TLK1: variants seen among roughly 807,000 people sequenced by gnomAD.
The protein encoded by TLK1 is serine/threonine-protein kinase tousled-like 1.
Under a neutral mutation model 105.3 loss-of-function variants are expected in TLK1, and 24 were observed. The observed-to-expected ratio is 0.23, with a 90% CI of 0.17 to 0.32. TLK1 has a LOEUF of 0.32. Ranked by LOEUF, TLK1 falls within the 10% of genes least tolerant of loss-of-function variation. The pLI is 1.00. For missense variants in TLK1, 558 were observed against 910.5 expected (o/e 0.61, Z 4.98); for synonymous variants, 321 against 310.4 (o/e 1.03, Z -0.36).
chr2:171,189,200 T>A (rs373844634), intron 1 of TLK1, among the ~76,000 whole-genome samples: 1 of 149,876 alleles, frequency 6.7e-6, no homozygotes, highest in African/African-American at 2.5e-5. Context: ...GGAGTCTTGC[T>A]CTGTCGCCCA....
At chr2:171,136,825 C>T (rs953677658) in intron 1 of TLK1, among the ~76,000 whole-genome samples, 7 of 152,112 alleles carry the variant, frequency 4.6e-5, no homozygotes, top group Admixed American at 4.6e-4. Context: ...TATACAAGGA[C>T]GGGCAGCAGT....
rs1219658298 is a variant in TLK1, at chr2:171,079,525, G to A, written c.330+3256C>T. On this transcript the variant is annotated intron_variant, in intron 3 of 20. Coordinates refer to ENST00000431350, the MANE Select transcript of TLK1 (RefSeq NM_012290.5). The stretch of plus-strand genomic sequence containing the variant: ...AAAAGTTAATAGATATGCAATAAAT[G>A]TTTACTGAAAATATCCTGAATTTTT... Among the ~76,000 whole-genome samples the A allele has an allele frequency of 5.3e-5, 8 of 152,290 alleles. No homozygotes were observed. In the South Asian group the frequency reaches 1.7e-3, roughly 32 times the overall value.
intron 12 of TLK1, among the ~76,000 whole-genome samples, chr2:171,022,624 G>T (rs2676141): frequency 0.04 from 6,036 of 152,230 alleles, 415 homozygotes; most frequent in African/African-American, 0.14. Context: ...AGAATTCCTA[G>T]AAGATTTCTT....
intron 11 of TLK1, among the ~76,000 whole-genome samples, chr2:171,033,591 G>A (rs778252637): frequency 6.6e-6 from 1 of 151,480 alleles, no homozygotes; most frequent in Non-Finnish European, 1.5e-5. Context: ...ACAAAGAAAT[G>A]ATAAATGCTT....
intron 2 of TLK1, among the ~76,000 whole-genome samples, chr2:171,089,715 G>A (rs1689142818): frequency 6.6e-6 from 1 of 152,028 alleles, no homozygotes; most frequent in Non-Finnish European, 1.5e-5. Context: ...TGTCACTCAG[G>A]CTGGAGTGCA....
At chr2:171,114,884 G>A (rs895780778) in intron 2 of TLK1, among the ~76,000 whole-genome samples, 3 of 151,852 alleles carry the variant, frequency 2.0e-5, no homozygotes, top group Non-Finnish European at 4.4e-5. Flanking sequence ...CAAGGAAACT[G>A]ATCCTCCCCT....
intron 2 of TLK1, among the ~76,000 whole-genome samples, chr2:171,109,227 TTCAGGGACTGATG>T (rs1399896326): frequency 2.6e-5 from 4 of 152,228 alleles, no homozygotes; most frequent in South Asian, 2.1e-4. Flanking sequence ...ATAAGGCACA[TTCAGGGACTGATG>T]TCAGGGACTG....
At chr2:171,096,382 T>C (rs1381718973) in intron 2 of TLK1, among the ~76,000 whole-genome samples, 2 of 152,030 alleles carry the variant, frequency 1.3e-5, no homozygotes, top group African/African-American at 4.8e-5. Context: ...AAAAAATCAG[T>C]TGCATTTCTA....
rs71401413 is a variant in TLK1 at position 171,227,568 on chromosome 2, CTTTTTTTTTTTTTTTT to C, written c.-6+3561_-6+3576del. Among the ~76,000 whole-genome samples, 6 of 55,516 alleles carry C rather than the reference CTTTTTTTTTTTTTTTT, an allele frequency of 1.1e-4. 1 individual carries two copies. Among genetic ancestry groups the C allele is most frequent in the East Asian group, 4.4e-4 (1 of 2,264 alleles). 36.4% of individuals were successfully genotyped at this position (55,516 alleles called of 152,430 possible). ...AGTTAGTCATGAGTTAGTAAATCTC[CTTTTTTTTTTTTTTTT>C]TTTTTTTTTTTTTTGTTTAAGCCAG... is the stretch of plus-strand genomic sequence containing the variant. On this transcript the variant is annotated intron_variant, in intron 1 of 20. Coordinates refer to the TLK1 transcript ENST00000521943.
At chr2:171,218,385 G>A (rs1165067669) in intron 1 of TLK1, among the ~76,000 whole-genome samples, 4 of 152,152 alleles carry the variant, frequency 2.6e-5, no homozygotes, top group Admixed American at 6.5e-5. Context: ...ATAGAATGTC[G>A]TTTAATGGGT....
intron 2 of TLK1, among the ~76,000 whole-genome samples, chr2:171,095,292 T>C (rs545380623): frequency 2.0e-5 from 3 of 146,906 alleles, no homozygotes; most frequent in Admixed American, 6.8e-5. Context: ...ACAAATGAAA[T>C]AGAGAATAGA....
In TLK1 at chr2:171,182,935, A is replaced by AAAAGAAAG. The variant is rs750018547; in HGVS notation, c.-6+48202_-6+48209dup. 2.8e-3 allele frequency among the ~76,000 whole-genome samples: 357 copies of AAAAGAAAG among 128,834 alleles called. 3 individuals are homozygous for AAAAGAAAG. The highest frequency in any genetic ancestry group is 0.011 in the Middle Eastern group (3 of 270). 84.5% of individuals were successfully genotyped at this position (128,834 alleles called of 152,430 possible). On this transcript the variant is annotated intron_variant, in intron 1 of 20. Coordinates refer to the TLK1 transcript ENST00000521943. ...AAACCCTGACTCCAAAAAAAAAAAA[A>AAAAGAAAG]AAAGAAAGAAAGAAAGAAAGAAAGA...
intron 4 of TLK1, chr2:171,060,049 G>A: frequency 5.6e-6 from 9 of 1,598,664 alleles, no homozygotes; most frequent in African/African-American, 1.3e-5. Context: ...CAAAGGAAGG[G>A]GGGAAAAAAC....
chr2:171,043,059 C>T (rs183453795), intron 11 of TLK1, among the ~76,000 whole-genome samples: 10 of 151,196 alleles, frequency 6.6e-5, no homozygotes, highest in Admixed American at 5.9e-4. Context: ...AGACAGTGAC[C>T]GTGAAAATGA....
chr2:170,993,757 A>T lies in TLK1; in HGVS notation c.*23T>A. The stretch of plus-strand genomic sequence containing the variant: ...TGCATCTGGAAGCAAATTCAAAGAT[A>T]TCATGCCAATCTTGGAGGAAAGTCA... On this transcript the variant is annotated 3_prime_UTR_variant, in exon 21 of 21. Transcript: ENST00000431350. 1 of 1,525,606 alleles carries T rather than the reference A, an allele frequency of 6.6e-7. No individual in the cohort carries two copies. Among genetic ancestry groups the T allele is most frequent in the Non-Finnish European group, 8.8e-7 (1 of 1,133,470 alleles). 94.5% of individuals were successfully genotyped at this position (1,525,606 alleles called of 1,614,324 possible).
intron 1 of TLK1, among the ~76,000 whole-genome samples, chr2:171,131,024 C>T (rs549124683): frequency 6.6e-5 from 10 of 151,990 alleles, no homozygotes; most frequent in South Asian, 2.1e-4. Context: ...GCAACCTTAA[C>T]GGACACACCA....
At chr2:171,157,043 CA>C (rs1446138936) in intron 1 of TLK1, among the ~76,000 whole-genome samples, 1 of 152,130 alleles carries the variant, frequency 6.6e-6, no homozygotes, top group Non-Finnish European at 1.5e-5. Context: ...TGAGCTCAAG[CA>C]ATCCACCTGC....
At chr2:171,137,074 G>GCT (rs1691355185) in intron 1 of TLK1, among the ~76,000 whole-genome samples, 1 of 152,136 alleles carries the variant, frequency 6.6e-6, no homozygotes, top group African/African-American at 2.4e-5. Context: ...TGTAATCCCA[G>GCT]CACTTTGGGA....
At chr2:171,003,060 G>A (rs1684463894) in intron 18 of TLK1, among the ~76,000 whole-genome samples, 1 of 151,872 alleles carries the variant, frequency 6.6e-6, no homozygotes, top group Admixed American at 6.6e-5. Flanking sequence ...GGATCATGAG[G>A]TCAGGAGATC....
Sources: gnomAD v4.1 joint callset for allele counts (sites outside exome capture counted in the v4.1 genomes callset) on GRCh38, gnomAD v4.1.1 for gene constraint, MANE v1.5 for transcripts, NCBI Gene and HGNC (gene_info 2026-07-23, HGNC 2026-07-21) for gene names.